Variants in NFATC1 observed in about 807,000 individuals in gnomAD.
NFATC1 encodes nuclear factor of activated T-cells, cytoplasmic 1.
NFATC1 carries 22 observed loss-of-function variants against 76.0 expected under a neutral mutation model. The observed-to-expected ratio is 0.29, with a 90% CI of 0.21 to 0.41. The LOEUF (loss-of-function observed/expected upper bound fraction) is 0.41, where lower values mean the gene tolerates loss of function less well. Ranked by LOEUF, NFATC1 falls within the 10% of genes least tolerant of loss-of-function variation. The pLI, the probability that NFATC1 is intolerant of heterozygous loss-of-function variation, is 1.00. For synonymous variants in NFATC1, 704 were observed against 613.1 expected (o/e 1.15, Z -2.19); for missense variants, 1,357 against 1,337.7 (o/e 1.01, Z -0.23).
At chr18:79,518,407 G>A (rs1180361268) in intron 9 of NFATC1, among the ~76,000 whole-genome samples, 1 of 152,196 alleles carries the variant, frequency 6.6e-6, no homozygotes, top group Non-Finnish European at 1.5e-5. Flanking sequence ...AGTGTAAAGG[G>A]CGATGGAGCC....
At chr18:79,466,902 C>G (rs963345824) in intron 7 of NFATC1, among the ~76,000 whole-genome samples, 1 of 152,218 alleles carries the variant, frequency 6.6e-6, no homozygotes, top group Admixed American at 6.5e-5. Flanking sequence ...TGGCTGGCGG[C>G]GGAGCCTTGG....
At position 79,486,744 on chromosome 18, in the gene NFATC1, C is replaced by G. The variant is rs373690914; in HGVS notation, c.2589C>G (p.Pro863=). The change falls in exon 9 of 10, where the codon CCC becomes CCG. Residue 863 remains proline, a synonymous_variant. Transcript: ENST00000427363. ...CCCAAGAGCCGACCTGCCTGCAGCC[C>G]TGCAGCCCAGCGTGCCCGCCCGCCA... The part of the protein sequence containing the change: ...PATQEPTCLQ[P]CSPACPPATG... 4.5e-5 allele frequency: 72 copies of G among 1,602,086 alleles called. No homozygotes were observed. Among genetic ancestry groups the G allele is most frequent in the Non-Finnish European group, 6.0e-5 (71 of 1,176,038 alleles).
chr18:79,410,298 G>A lies in NFATC1; in HGVS notation c.128-105G>A. 1 of 1,508,374 alleles carries A rather than the reference G, an allele frequency of 6.6e-7. No homozygotes were observed. The highest frequency in any genetic ancestry group is 1.3e-5 in the South Asian group (1 of 77,496). The allele number at this position is 1,508,374 out of a possible 1,614,324, so 93.4% of individuals were successfully genotyped here. A position where few individuals can be genotyped will look rare whatever the true frequency, so the allele number is the denominator to read the frequency against. On this transcript the variant is annotated intron_variant, in intron 1 of 9. Transcript: ENST00000427363. The surrounding 1 kb of genome is among the most constrained non-coding windows in gnomAD (Gnocchi z 6.7). ...CGTTTGCTGAGGCCCGCTCCTTGGG[G>A]TCCGTTGGTCGAGGCCGGGGGTTGC...
intron 9 of NFATC1, among the ~76,000 whole-genome samples, chr18:79,504,083 T>C (rs886431854): frequency 6.6e-6 from 1 of 152,080 alleles, no homozygotes; most frequent in African/African-American, 2.4e-5. Context: ...TCGGACTTTC[T>C]CTGTATCAGC....
intron 2 of NFATC1, among the ~76,000 whole-genome samples, chr18:79,413,405 G>A (rs979015278): frequency 6.6e-6 from 1 of 152,230 alleles, no homozygotes; most frequent in Non-Finnish European, 1.5e-5. Context: ...CTGTGAGGGA[G>A]CATCTGCCTG....
rs186166927 is a variant in NFATC1, at chr18:79,490,315, G to A, written c.2782+3378G>A. 6.1e-3 allele frequency among the ~76,000 whole-genome samples: 922 copies of A among 151,778 alleles called. 12 individuals are homozygous for A. The highest frequency in any genetic ancestry group is 0.021 in the African/African-American group (861 of 41,340). Reference sequence around the variant, plus strand: ...GCCCCGCTCTGGGTTAGGACAGGGTGGTCCCTGGTGCAGGCTCAGGCTCTC... The same window carrying A: ...GCCCCGCTCTGGGTTAGGACAGGGTAGTCCCTGGTGCAGGCTCAGGCTCTC... On this transcript the variant is annotated intron_variant, in intron 9 of 9. Coordinates refer to ENST00000427363, the MANE Select transcript of NFATC1 (RefSeq NM_001278669.2).
In NFATC1 at chr18:79,486,741, G is replaced by T; in HGVS notation, c.2586G>T (p.Gln862His). 6.2e-7 allele frequency: 1 copy of T among 1,601,046 alleles called. No individual in the cohort carries two copies. The change falls in exon 9 of 10, where the codon CAG becomes CAT. Residue 862 changes from glutamine to histidine, a missense_variant. By Grantham distance (24) the Gln-to-His change is conservative. Around this residue, in one of 3 missense-constraint regions of NFATC1, gnomAD observed 424 missense variants for 395.4 expected, o/e 1.07. Coordinates refer to ENST00000427363, the MANE Select transcript of NFATC1 (RefSeq NM_001278669.2). ...PPATQEPTCL[Q>H]PCSPACPPAT... ...CCACCCAAGAGCCGACCTGCCTGCAGCCCTGCAGCCCAGCGTGCCCGCCCG... is the reference window on the plus strand; with the variant it reads ...CCACCCAAGAGCCGACCTGCCTGCATCCCTGCAGCCCAGCGTGCCCGCCCG...
intron 1 of NFATC1, among the ~76,000 whole-genome samples, chr18:79,404,396 CG>C (rs1568915073): frequency 6.6e-6 from 1 of 152,242 alleles, no homozygotes; most frequent in East Asian, 1.9e-4. Context: ...GGCCTGACCA[CG>C]TCCCGGTGCC....
chr18:79,467,424 G>A (rs1354392501), intron 7 of NFATC1, 26 bp from the exon 8 acceptor site: 1 of 1,553,678 alleles, frequency 6.4e-7, no homozygotes, highest in African/African-American at 1.4e-5. Context: ...TGCTGATTGT[G>A]CCTCCTGTGT....
intron 9 of NFATC1, among the ~76,000 whole-genome samples, chr18:79,515,229 C>A (rs1371350365): frequency 4.0e-5 from 6 of 151,310 alleles, no homozygotes; most frequent in African/African-American, 1.5e-4. Flanking sequence ...CCTGTAATCC[C>A]AGCTACTCAG....
At chr18:79,425,834 A>G (rs974664810) in intron 2 of NFATC1, among the ~76,000 whole-genome samples, 1 of 152,250 alleles carries the variant, frequency 6.6e-6, no homozygotes, top group African/African-American at 2.4e-5. Context: ...ACCTGAGAGC[A>G]GAGCAAAGTT....
At chr18:79,487,914 C>T (rs2145070910) in intron 9 of NFATC1, among the ~76,000 whole-genome samples, 1 of 152,328 alleles carries the variant, frequency 6.6e-6, no homozygotes, top group African/African-American at 2.4e-5. Flanking sequence ...GAATTGGCTT[C>T]ATTTCCTCGG....
chr18:79,510,815 C>T (rs1163347641), intron 9 of NFATC1, among the ~76,000 whole-genome samples: 1 of 13,048 alleles, frequency 7.7e-5, no homozygotes. Flanking sequence ...CCACGGGGCT[C>T]CTCTGCCGGG....
intron 6 of NFATC1, 140 bp from the exon 7 acceptor site, chr18:79,461,171 C>T: frequency 1.1e-6 from 1 of 894,172 alleles, no homozygotes; most frequent in Non-Finnish European, 1.8e-6. Context: ...TCGACAAAGC[C>T]CTGGGATGGG....
chr18:79,488,497 T>C (rs2089587526), intron 9 of NFATC1, among the ~76,000 whole-genome samples: 1 of 152,160 alleles, frequency 6.6e-6, no homozygotes, highest in South Asian at 2.1e-4. Flanking sequence ...TGGAGGTTCA[T>C]GATGACTGTG....
chr18:79,528,648 A>T lies in NFATC1; in HGVS notation c.*1071A>T, dbSNP rs2090828426. ...TAGAAAGTGATTGTAAATAACATGC[A>T]ACCTAAGTGTAATATATTTGTTCAG... On this transcript the variant is annotated 3_prime_UTR_variant, in exon 10 of 10. Coordinates refer to ENST00000427363, the MANE Select transcript of NFATC1 (RefSeq NM_001278669.2). The T allele has an allele frequency of 6.6e-6, 1 of 152,236 alleles. No individual in the cohort carries two copies. Among genetic ancestry groups the T allele is most frequent in the Non-Finnish European group, 1.5e-5 (1 of 68,030 alleles). The allele number at this position is 152,236 out of a possible 1,614,324, so 9.4% of individuals were successfully genotyped here.
chr18:79,474,009 CTG>C (rs1319529665), intron 8 of NFATC1, among the ~76,000 whole-genome samples: 3 of 146,164 alleles, frequency 2.1e-5, no homozygotes, highest in African/African-American at 7.8e-5. Context: ...TTCACACTCA[CTG>C]TCGACGTAAA....
intron 2 of NFATC1, among the ~76,000 whole-genome samples, chr18:79,430,293 C>A (rs960558157): frequency 1.3e-5 from 2 of 152,084 alleles, no homozygotes; most frequent in African/African-American, 4.8e-5. Flanking sequence ...TTTCTTCTTT[C>A]CTCCTCTCTC....
intron 2 of NFATC1, among the ~76,000 whole-genome samples, chr18:79,429,220 CAAAAA>C (rs397858514): frequency 2.1e-5 from 2 of 96,520 alleles, no homozygotes; most frequent in South Asian, 4.0e-4. Flanking sequence ...GACTCCGTCT[CAAAAA>C]AAAAAAAAAA....
Sources: gnomAD v4.1 joint callset for allele counts (sites outside exome capture counted in the v4.1 genomes callset) on GRCh38, gnomAD v4.1.1 for gene constraint, gnomAD v4.1.1 regional missense constraint, Gnocchi (gnomAD v3.1) non-coding constraint, MANE v1.5 for transcripts, NCBI Gene and HGNC (gene_info 2026-07-23, HGNC 2026-07-21) for gene names.